Variants in PTPRD observed in about 807,000 individuals in gnomAD.
The protein encoded by PTPRD is receptor-type tyrosine-protein phosphatase delta.
PTPRD carries 34 observed loss-of-function variants against 214.5 expected under a neutral mutation model. That is an observed-to-expected ratio of 0.16 (90% confidence interval 0.12 to 0.21). PTPRD has a LOEUF of 0.21. Ranked by LOEUF, PTPRD falls within the 10% of genes least tolerant of loss-of-function variation. The pLI is 1.00. For missense variants in PTPRD, 2,545 were observed against 2,398.7 expected, an observed-to-expected ratio of 1.06 and a Z score of -1.27; for synonymous variants, 1,128 against 845.7, an observed-to-expected ratio of 1.33 and a Z score of -5.79.
chr9:8,332,165 A>G (rs905600866), intron 43 of PTPRD, among the ~76,000 whole-genome samples: 1 of 152,204 alleles, frequency 6.6e-6, no homozygotes, highest in Admixed American at 6.5e-5. Flanking sequence ...ACTTTGTAAT[A>G]AATATTGAAA....
chr9:9,460,876 C>A (rs540354492), intron 8 of PTPRD, among the ~76,000 whole-genome samples: 2 of 152,002 alleles, frequency 1.3e-5, no homozygotes, highest in African/African-American at 4.8e-5. Context: ...TGCACTCTTA[C>A]GTTTATTGCT....
At chr9:8,792,353 A>C in intron 11 of PTPRD, among the ~76,000 whole-genome samples, 1 of 152,236 alleles carries the variant, frequency 6.6e-6, no homozygotes, top group East Asian at 1.9e-4. Flanking sequence ...CGCATTAAAA[A>C]TGATAATAAA....
chr9:9,713,418 C>T (rs899398741), intron 7 of PTPRD, among the ~76,000 whole-genome samples: 60 of 152,152 alleles, frequency 3.9e-4, no homozygotes, highest in African/African-American at 1.3e-3. Flanking sequence ...TGGAGGACAG[C>T]AAGAAATGTG....
At chr9:9,489,609 A>G (rs1576797) in intron 8 of PTPRD, among the ~76,000 whole-genome samples, 81,273 of 151,812 alleles carry the variant, frequency 0.54, 22,106 homozygotes, top group East Asian at 0.69. Context: ...GCTGAAAACT[A>G]TAATAATGAA....
intron 2 of PTPRD, among the ~76,000 whole-genome samples, chr9:10,461,281 G>A (rs1459009971): frequency 1.6e-5 from 2 of 122,024 alleles, no homozygotes; most frequent in Non-Finnish European, 3.5e-5. Context: ...CTCTTGTACT[G>A]TGTTGGTGCA....
intron 35 of PTPRD, among the ~76,000 whole-genome samples, chr9:8,410,967 T>C (rs548747309): frequency 6.6e-6 from 1 of 152,002 alleles, no homozygotes; most frequent in Non-Finnish European, 1.5e-5. Context: ...AATTATATCA[T>C]AGTACTAAAG....
At chr9:9,492,912 T>C (rs1220806594) in intron 8 of PTPRD, among the ~76,000 whole-genome samples, 1 of 148,786 alleles carries the variant, frequency 6.7e-6, no homozygotes, top group Non-Finnish European at 1.5e-5. Context: ...ATATTACTAT[T>C]GTAATTGTTC....
chr9:8,574,434 C>T (rs1416467539), intron 14 of PTPRD, among the ~76,000 whole-genome samples: 2 of 151,668 alleles, frequency 1.3e-5, no homozygotes, highest in Non-Finnish European at 2.9e-5. Context: ...AAAATTGGTC[C>T]AACACTTTAA....
At chr9:10,500,655 G>T (rs2133198690) in intron 2 of PTPRD, among the ~76,000 whole-genome samples, 1 of 151,698 alleles carries the variant, frequency 6.6e-6, no homozygotes, top group East Asian at 1.9e-4. Context: ...ATCCTTTCTA[G>T]TTTTTGTACC....
chr9:9,548,892 A>G (rs553519501), intron 8 of PTPRD, among the ~76,000 whole-genome samples: 1 of 152,268 alleles, frequency 6.6e-6, no homozygotes, highest in South Asian at 2.1e-4. Context: ...CGAAAGGAAG[A>G]AATAGAACAT....
At chr9:10,058,953 T>G (rs1444460986) in intron 3 of PTPRD, among the ~76,000 whole-genome samples, 5 of 152,130 alleles carry the variant, frequency 3.3e-5, no homozygotes, top group African/African-American at 1.2e-4. Flanking sequence ...AGAATTTCTT[T>G]TTTTGTCTCA....
In PTPRD at chr9:9,635,560, T is replaced by C. The variant is rs557942408; in HGVS notation, c.-286-60779A>G. Among the ~76,000 whole-genome samples, 54 of 152,320 alleles carry C rather than the reference T, an allele frequency of 3.5e-4. 1 individual carries two copies. The highest frequency in any genetic ancestry group is 1.3e-3 in the African/African-American group (53 of 41,570). On this transcript the variant is annotated intron_variant, in intron 7 of 45. Coordinates refer to ENST00000381196, the MANE Select transcript of PTPRD (RefSeq NM_002839.4). ...TGCTTTTACAGCTGAAGAAAGCCAT[T>C]GCTCAGATTTTGGAACCATTGACAG...
intron 8 of PTPRD, among the ~76,000 whole-genome samples, chr9:9,426,198 C>T (rs1376816159): frequency 6.6e-6 from 1 of 152,144 alleles, no homozygotes; most frequent in Non-Finnish European, 1.5e-5. Flanking sequence ...AATATTGGGT[C>T]ACTCCCACCC....
At position 8,572,036 on chromosome 9, in the gene PTPRD, T is replaced by C. The variant is rs139401282; in HGVS notation, c.353-43257A>G. ...TGATATAGATATTAAAGCCAAAATGTGGCAACTCTGTTTGACACCGCAAAG... is the reference window on the plus strand; with the variant it reads ...TGATATAGATATTAAAGCCAAAATGCGGCAACTCTGTTTGACACCGCAAAG... On this transcript the variant is annotated intron_variant, in intron 14 of 45. Coordinates refer to ENST00000381196, the MANE Select transcript of PTPRD (RefSeq NM_002839.4). Among the ~76,000 whole-genome samples the C allele has an allele frequency of 3.4e-3, 517 of 152,256 alleles. 2 individuals carry two copies. The highest frequency in any genetic ancestry group is 0.012 in the African/African-American group (485 of 41,558).
chr9:10,325,966 ATTTTG>A (rs1028853938), intron 3 of PTPRD, among the ~76,000 whole-genome samples: 3 of 151,860 alleles, frequency 2.0e-5, no homozygotes, highest in Admixed American at 2.0e-4. Flanking sequence ...CTTTCAGATC[ATTTTG>A]TTTTCACATT....
At chr9:10,131,994 A>G (rs1467889470) in intron 3 of PTPRD, among the ~76,000 whole-genome samples, 1 of 152,194 alleles carries the variant, frequency 6.6e-6, no homozygotes, top group African/African-American at 2.4e-5. Flanking sequence ...CTCTTCAACT[A>G]CACACCATTC....
intron 9 of PTPRD, among the ~76,000 whole-genome samples, chr9:9,208,022 T>C: frequency 9.8e-6 from 1 of 102,252 alleles, no homozygotes; most frequent in Non-Finnish European, 2.0e-5. Flanking sequence ...TATATCTGCT[T>C]TTTTTTTTTT....
chr9:9,559,894 A>G (rs2082463079), intron 8 of PTPRD, among the ~76,000 whole-genome samples: 1 of 152,192 alleles, frequency 6.6e-6, no homozygotes, highest in African/African-American at 2.4e-5. Context: ...GTGCAGACAG[A>G]GGTTTCACTT....
intron 4 of PTPRD, among the ~76,000 whole-genome samples, chr9:9,980,944 G>T (rs1394760770): frequency 6.6e-6 from 1 of 152,114 alleles, no homozygotes; most frequent in African/African-American, 2.4e-5. Context: ...TTATACTCTG[G>T]TAAGAATATC....
Sources: allele counts gnomAD v4.1 joint callset (sites outside exome capture counted in the v4.1 genomes callset), GRCh38; gene constraint gnomAD v4.1.1; transcripts MANE v1.5; gene names NCBI Gene and HGNC (gene_info 2026-07-23, HGNC 2026-07-21).